The following ABLIM3 variants were observed in gnomAD, a reference collection of about 807,000 sequenced individuals.
The protein encoded by ABLIM3 is actin-binding LIM protein 3.
Under a neutral mutation model 109.5 loss-of-function variants are expected in ABLIM3, and 61 were observed. The observed-to-expected ratio is 0.56, with a 90% CI of 0.45 to 0.69. The LOEUF (loss-of-function observed/expected upper bound fraction) is 0.69. ABLIM3 is among the 30% of genes least tolerant of loss of function. The probability of loss-of-function intolerance (pLI) is 0.00; values close to 1 mark genes in which losing one functional copy is unlikely to be tolerated. For missense variants in ABLIM3, 796 were observed against 889.5 expected (o/e 0.89, Z 1.34); for synonymous variants, 300 against 324.8 (o/e 0.92, Z 0.82).
chr5:149,252,346 A>G (rs1008512920), intron 22 of ABLIM3, 138 bp downstream of exon 22: 3 of 917,970 alleles, frequency 3.3e-6, no homozygotes, highest in Non-Finnish European at 4.8e-6. Context: ...TTCAAGACCA[A>G]CATTTCCTGT....
chr5:149,258,027 G>A (rs556595899), intron 23 of ABLIM3, among the ~76,000 whole-genome samples: 14 of 152,328 alleles, frequency 9.2e-5, no homozygotes, highest in African/African-American at 2.4e-4. Context: ...TAGTGGAAGC[G>A]GAAGTCCCAC....
intron 16 of ABLIM3, among the ~76,000 whole-genome samples, chr5:149,246,180 A>G (rs1753336889): frequency 6.6e-6 from 1 of 152,120 alleles, no homozygotes; most frequent in African/African-American, 2.4e-5. Context: ...AAAATTTAAT[A>G]AAAGGATGAC....
chr5:149,242,443 G>GTC lies in ABLIM3; in HGVS notation c.1304-37_1304-36dup, dbSNP rs748616254. 2.3e-4 allele frequency: 357 copies of GTC among 1,571,038 alleles called. No individual in the cohort carries two copies. In the African/African-American group the frequency reaches 3.9e-3, roughly 17 times the overall value. On this transcript the variant is annotated intron_variant, in intron 14 of 23. Transcript: ENST00000309868. Reference sequence around the variant, plus strand: ...TATCTCCTTTTCTCCCTTTTCTCCTGTCTCTCTCTCTCCCCTCCCCACTGT... The same window carrying GTC: ...TATCTCCTTTTCTCCCTTTTCTCCTGTCTCTCTCTCTCTCCCCTCCCCACTGT...
intron 7 of ABLIM3, among the ~76,000 whole-genome samples, chr5:149,215,047 T>C (rs1216199534): frequency 6.6e-6 from 1 of 152,188 alleles, no homozygotes; most frequent in African/African-American, 2.4e-5. Flanking sequence ...GCTCAAACTG[T>C]TTTCAACACC....
chr5:149,171,445 G>A (rs532816911), intron 2 of ABLIM3, among the ~76,000 whole-genome samples: 1 of 152,292 alleles, frequency 6.6e-6, no homozygotes, highest in East Asian at 1.9e-4. Flanking sequence ...TTTTATAGAT[G>A]GAGAAACTAA....
At chr5:149,200,537 T>A (rs1241537289) in intron 5 of ABLIM3, 109 bp downstream of exon 5, 1 of 1,140,576 alleles carries the variant, frequency 8.8e-7, no homozygotes, top group East Asian at 2.6e-5. Flanking sequence ...GTGGGAGAGG[T>A]TCCCAACCTG....
rs765610330 is a variant in ABLIM3 at position 149,207,142 on chromosome 5, C to A, written c.575+8C>A. 2 of 1,611,774 alleles carry A rather than the reference C, an allele frequency of 1.2e-6. No homozygotes were observed. Among genetic ancestry groups the A allele is most frequent in the Admixed American group, 3.3e-5 (2 of 59,834 alleles). On this transcript the variant is annotated splice_region_variant and intron_variant, in intron 6 of 23. Transcript: ENST00000309868. Reference sequence around the variant, plus strand: ...CGGGGAGTATATCAGCAAGTGGGTCCCCCTGCTCCTGCCCCAGCTGCCTGG... The same window carrying A: ...CGGGGAGTATATCAGCAAGTGGGTCACCCTGCTCCTGCCCCAGCTGCCTGG...
In ABLIM3 at chr5:149,239,908, T is replaced by C; in HGVS notation, c.1204+20T>C. The C allele has an allele frequency of 6.3e-7, 1 of 1,588,180 alleles. No homozygotes were observed. The highest frequency in any genetic ancestry group is 8.6e-7 in the Non-Finnish European group (1 of 1,167,758). On this transcript the variant is annotated intron_variant, in intron 13 of 23. Transcript: ENST00000309868. ...GCTCTGGTAAGGAAGGGGGAGGACC[T>C]GAAGGGAGAGGAAGAGCCAGGGAGA...
chr5:149,252,106 AC>A, intron 21 of ABLIM3, 94 bp from the exon 22 acceptor site: 1 of 1,425,020 alleles, frequency 7.0e-7, no homozygotes, highest in East Asian at 2.3e-5. Context: ...TAGAGGCCAG[AC>A]CCCCTGAGAG....
chr5:149,162,084 G>A (rs896606328), intron 2 of ABLIM3, among the ~76,000 whole-genome samples: 3 of 152,204 alleles, frequency 2.0e-5, no homozygotes, highest in African/African-American at 7.2e-5. Flanking sequence ...ATGATCAAAT[G>A]AGGCAATGAA....
At chr5:149,255,237 A>G (rs1034967837) in intron 23 of ABLIM3, among the ~76,000 whole-genome samples, 1 of 152,194 alleles carries the variant, frequency 6.6e-6, no homozygotes. Context: ...CGTTTTATGT[A>G]CAGTCCTGAG....
chr5:149,162,894 A>G (rs1754504410), intron 2 of ABLIM3, among the ~76,000 whole-genome samples: 2 of 152,230 alleles, frequency 1.3e-5, no homozygotes, highest in Non-Finnish European at 2.9e-5. Flanking sequence ...CGCGTAACCC[A>G]GCTGAACAGG....
At chr5:149,234,526 G>A (rs1156574040) in intron 10 of ABLIM3, among the ~76,000 whole-genome samples, 1 of 152,130 alleles carries the variant, frequency 6.6e-6, no homozygotes, top group Non-Finnish European at 1.5e-5. Context: ...CCATTGATGG[G>A]ACTATGGGCA....
intron 2 of ABLIM3, among the ~76,000 whole-genome samples, chr5:149,169,803 G>C (rs1039547667): frequency 1.3e-5 from 2 of 152,186 alleles, no homozygotes; most frequent in Non-Finnish European, 2.9e-5. Context: ...TCTTCCACAA[G>C]ATGCTATGGC....
chr5:149,153,691 G>A (rs1303523016), intron 2 of ABLIM3, among the ~76,000 whole-genome samples: 1 of 152,226 alleles, frequency 6.6e-6, no homozygotes, highest in Non-Finnish European at 1.5e-5. Flanking sequence ...GATGTTGAAG[G>A]AACAGTAGGA....
chr5:149,248,065 C>G, intron 18 of ABLIM3, 136 bp downstream of exon 18: 2 of 1,152,538 alleles, frequency 1.7e-6, no homozygotes, highest in Non-Finnish European at 2.4e-6. Flanking sequence ...CTCACAGCAG[C>G]CCTGTGGTGG....
rs138820359 is a variant in ABLIM3, at chr5:149,156,700, G to A, written c.13+14592G>A. Among the ~76,000 whole-genome samples the A allele has an allele frequency of 4.6e-5, 7 of 152,356 alleles. No homozygotes were observed. The East Asian group carries it at 1.3e-3, about 29-fold the overall frequency. Reference sequence around the variant, plus strand: ...GGCATGAGTCAGGTGTGAAATGAATGTTGGAGAGGGCAATTCTGATTAAGC... The same window carrying A: ...GGCATGAGTCAGGTGTGAAATGAATATTGGAGAGGGCAATTCTGATTAAGC... On this transcript the variant is annotated intron_variant, in intron 2 of 23. Transcript: ENST00000309868.
intron 6 of ABLIM3, among the ~76,000 whole-genome samples, chr5:149,207,948 T>G (rs539419161): frequency 6.6e-6 from 1 of 152,226 alleles, no homozygotes; most frequent in East Asian, 1.9e-4. Context: ...TCAGCACAGA[T>G]CCTTTGTCAC....
intron 3 of ABLIM3, among the ~76,000 whole-genome samples, chr5:149,189,479 G>C (rs1757278521): frequency 6.6e-6 from 1 of 152,162 alleles, no homozygotes; most frequent in Non-Finnish European, 1.5e-5. Context: ...TTGTGTCTCA[G>C]CTATGTAAAG....
Sources: allele counts gnomAD v4.1 joint callset (sites outside exome capture counted in the v4.1 genomes callset), GRCh38; gene constraint gnomAD v4.1.1; transcripts MANE v1.5; gene names NCBI Gene and HGNC (gene_info 2026-07-23, HGNC 2026-07-21).